The following PTCHD1 variants were observed in gnomAD, a reference collection of about 807,000 sequenced individuals.
PTCHD1 encodes patched domain containing 1, also known as patched domain-containing protein 1.
A neutral mutation model predicts 34.6 loss-of-function variants in PTCHD1; 3 were observed. The ratio of observed to expected loss-of-function variants is 0.09; its 90% CI spans 0.04 to 0.22. The LOEUF (loss-of-function observed/expected upper bound fraction) is 0.22, where lower values mean the gene tolerates loss of function less well. PTCHD1 is among the 10% of genes least tolerant of loss of function. The pLI is 1.00. For synonymous variants in PTCHD1, 305 were observed against 283.1 expected (o/e 1.08, Z -0.77); for missense variants, 504 against 685.5 (o/e 0.74, Z 2.96).
rs191621310 is a variant in PTCHD1, at chrX:23,386,036, T to C, written c.1012+5785T>C. 4.5e-5 allele frequency among the ~76,000 whole-genome samples: 5 copies of C among 111,051 alleles called. No homozygotes were observed. The Admixed American group carries it at 4.8e-4, about 11-fold the overall frequency. ...TATTCTCTGTGTATACTATCTGGTA[T>C]ATAGGAGTCCAACATTTTGTATGTA... On this transcript the variant is annotated intron_variant, in intron 2 of 2. Coordinates refer to ENST00000379361, the MANE Select transcript of PTCHD1 (RefSeq NM_173495.3).
At chrX:23,352,455 TGA>T (rs1238073171) in intron 1 of PTCHD1, among the ~76,000 whole-genome samples, 2 of 111,978 alleles carry the variant, frequency 1.8e-5, no homozygotes, top group African/African-American at 6.5e-5. Flanking sequence ...GGAAGTTTGT[TGA>T]GAGAGTTCAC....
Position 23,392,074 on chromosome X carries a change from C to CTTTTTTTTTT in PTCHD1, c.1013-449_1013-440dup, listed in dbSNP as rs763041195. On this transcript the variant is annotated intron_variant, in intron 2 of 2. Transcript: ENST00000379361. ...TTCTTTCTTTTTTCTTTCTTTCTTT[C>CTTTTTTTTTT]TTTTTTTTTTTTTTTTTGAGAGATG... is the stretch of plus-strand genomic sequence containing the variant. Among the ~76,000 whole-genome samples the CTTTTTTTTTT allele has an allele frequency of 7.4e-3, 388 of 52,337 alleles. 65 individuals carry two copies. Among genetic ancestry groups the CTTTTTTTTTT allele is most frequent in the African/African-American group, 0.045 (362 of 7,961 alleles). The allele number at this position is 52,337 out of a possible 115,157, so 45.4% of individuals were successfully genotyped here.
In PTCHD1 at chrX:23,364,706, C is replaced by G. The variant is rs749972755; in HGVS notation, c.352-14885C>G. Reference sequence around the variant, plus strand: ...CACATCAGCTGTCTCTCCCACACACCTACTGCCATAACAGCAGAAATCCAG... The same window carrying G: ...CACATCAGCTGTCTCTCCCACACACGTACTGCCATAACAGCAGAAATCCAG... On this transcript the variant is annotated intron_variant, in intron 1 of 2. Coordinates refer to ENST00000379361, the MANE Select transcript of PTCHD1 (RefSeq NM_173495.3). Among the ~76,000 whole-genome samples the G allele has an allele frequency of 2.7e-5, 3 of 112,310 alleles. No homozygotes were observed. The South Asian group carries it at 1.1e-3, about 41-fold the overall frequency.
intron 1 of PTCHD1, among the ~76,000 whole-genome samples, chrX:23,374,280 C>CAAAAAAAAAAAAAA: frequency 4.1e-5 from 1 of 24,545 alleles, no homozygotes; most frequent in Non-Finnish European, 8.4e-5. Flanking sequence ...GAAACAAATA[C>CAAAAAAAAAAAAAA]AAAAAAAAAA....
chrX:23,363,698 C>T (rs1922056741), intron 1 of PTCHD1, among the ~76,000 whole-genome samples: 1 of 112,719 alleles, frequency 8.9e-6, no homozygotes. Context: ...AACCAGCTAC[C>T]TCAGTTGGAA....
intron 1 of PTCHD1, among the ~76,000 whole-genome samples, chrX:23,367,361 AT>A (rs1175780249): frequency 8.1e-5 from 9 of 111,700 alleles, no homozygotes; most frequent in Non-Finnish European, 1.5e-4. Context: ...AGCCTTGAAA[AT>A]TTTCATTAGC....
At chrX:23,366,999 C>T (rs1187600138) in intron 1 of PTCHD1, among the ~76,000 whole-genome samples, 1 of 109,689 alleles carries the variant, frequency 9.1e-6, no homozygotes, top group Non-Finnish European at 1.9e-5. Flanking sequence ...CACCAACATA[C>T]TAGACTCCCT....
At chrX:23,377,476 A>T (rs2146640058) in intron 1 of PTCHD1, among the ~76,000 whole-genome samples, 1 of 111,639 alleles carries the variant, frequency 9.0e-6, no homozygotes, top group Non-Finnish European at 1.9e-5. Flanking sequence ...ACACACTTTC[A>T]CAGCTTAAAA....
At chrX:23,367,494 A>G (rs1922177786) in intron 1 of PTCHD1, among the ~76,000 whole-genome samples, 1 of 111,961 alleles carries the variant, frequency 8.9e-6, no homozygotes, top group Non-Finnish European at 1.9e-5. Context: ...CATGCCAGTG[A>G]GACAGCTTAG....
At position 23,374,305 on chromosome X, in the gene PTCHD1, AAAAAC is replaced by A. The variant is rs1381994994; in HGVS notation, c.352-5285_352-5281del. 8.6e-4 allele frequency among the ~76,000 whole-genome samples: 84 copies of A among 97,441 alleles called. 6 individuals carry two copies. The highest frequency in any genetic ancestry group is 1.0e-3 in the Non-Finnish European group (50 of 49,046). 84.6% of individuals were successfully genotyped at this position (97,441 alleles called of 115,157 possible). On this transcript the variant is annotated intron_variant, in intron 1 of 2. Coordinates refer to ENST00000379361, the MANE Select transcript of PTCHD1 (RefSeq NM_173495.3). Reference sequence around the variant, plus strand: ...CAAAAAAAAAAAAAAAAAAAAAAAAAAAAACCCAAAACCCTGCAAGGTATTGTATA... The same window carrying A: ...CAAAAAAAAAAAAAAAAAAAAAAAAACCAAAACCCTGCAAGGTATTGTATA...
upstream of PTCHD1, chrX:23,334,795 C>G: frequency 8.1e-6 from 4 of 492,181 alleles, no homozygotes; most frequent in Non-Finnish European, 1.0e-5. Context: ...GCTGCCGCCG[C>G]CGCCGCCGCC....
At chrX:23,335,586 G>C (rs1921147867) in intron 1 of PTCHD1, among the ~76,000 whole-genome samples, 1 of 113,011 alleles carries the variant, frequency 8.8e-6, no homozygotes, top group Non-Finnish European at 1.9e-5. Flanking sequence ...AACGAGAGAA[G>C]ACATTCTGGA....
intron 1 of PTCHD1, among the ~76,000 whole-genome samples, chrX:23,347,501 T>G (rs1921508525): frequency 8.9e-6 from 1 of 112,095 alleles, no homozygotes; most frequent in Non-Finnish European, 1.9e-5. Flanking sequence ...ACAACAAACA[T>G]TAAATACATT....
intron 2 of PTCHD1, among the ~76,000 whole-genome samples, chrX:23,390,409 TG>T (rs1922801354): frequency 9.0e-6 from 1 of 110,994 alleles, no homozygotes; most frequent in African/African-American, 3.3e-5. Context: ...TTACCCTCAT[TG>T]TCAAGAGAAT....
rs1208666639 is a variant in PTCHD1, at chrX:23,403,214, G to T, written c.*9029G>T. 1 of 112,028 alleles carries T rather than the reference G, an allele frequency of 8.9e-6. No individual in the cohort carries two copies. The highest frequency in any genetic ancestry group is 1.9e-5 in the Non-Finnish European group (1 of 53,192). The allele number at this position is 112,028 out of a possible 1,213,427, so 9.2% of individuals were successfully genotyped here. On this transcript the variant is annotated 3_prime_UTR_variant, in exon 3 of 3. Coordinates refer to ENST00000379361, the MANE Select transcript of PTCHD1 (RefSeq NM_173495.3). The stretch of plus-strand genomic sequence containing the variant: ...TCAGTATTCAGAAACCTTATCATCT[G>T]TTCCTCCAAAAAGACCCCATAGTTA...
intron 1 of PTCHD1, among the ~76,000 whole-genome samples, chrX:23,366,314 C>T (rs1288272015): frequency 2.7e-5 from 3 of 112,109 alleles, no homozygotes; most frequent in African/African-American, 9.8e-5. Flanking sequence ...TCATTTCATC[C>T]GCTGATAAAA....
At chrX:23,350,054 T>G (rs1211127825) in intron 1 of PTCHD1, among the ~76,000 whole-genome samples, 1 of 67,297 alleles carries the variant, frequency 1.5e-5, no homozygotes, top group African/African-American at 6.6e-5. Flanking sequence ...CTCCCTTTAG[T>G]GCTGTTAAAA....
Position 23,353,621 on chromosome X carries a change from A to AC in PTCHD1, c.351+18396dup, listed in dbSNP as rs1569134326. Among the ~76,000 whole-genome samples, 36 of 109,089 alleles carry AC rather than the reference A, an allele frequency of 3.3e-4. 1 individual carries two copies. The highest frequency in any genetic ancestry group is 5.9e-4 in the Non-Finnish European group (31 of 52,659). 94.7% of individuals were successfully genotyped at this position (109,089 alleles called of 115,157 possible). ...AAACAAAACAAAACAAAAAAAAAAA[A>AC]CGTAAGCTAAGAGATCCTACCTAAG... On this transcript the variant is annotated intron_variant, in intron 1 of 2. Transcript: ENST00000379361.
At chrX:23,390,235 C>A (rs1922792867) in intron 2 of PTCHD1, among the ~76,000 whole-genome samples, 2 of 105,509 alleles carry the variant, frequency 1.9e-5, no homozygotes, top group East Asian at 2.9e-4. Context: ...TTGTTTCTGG[C>A]AAGTAAATAT....
Sources: allele counts gnomAD v4.1 joint callset (sites outside exome capture counted in the v4.1 genomes callset), GRCh38; gene constraint gnomAD v4.1.1; transcripts MANE v1.5; gene names NCBI Gene and HGNC (gene_info 2026-07-23, HGNC 2026-07-21).